Variants in ZBTB38 observed in about 807,000 individuals in gnomAD.
ZBTB38 encodes the protein zinc finger and BTB domain containing 38.
In ZBTB38, 20 loss-of-function variants were observed where a neutral mutation model predicts 76.8. The ratio of observed to expected loss-of-function variants is 0.26; its 90% CI spans 0.18 to 0.38. The LOEUF (loss-of-function observed/expected upper bound fraction) is 0.38. Among genes scored for constraint, ZBTB38 ranks in the 10% least tolerant of loss-of-function variants. The pLI is 1.00. For synonymous variants in ZBTB38, 504 were observed against 544.2 expected (o/e 0.93, Z 1.03); for missense variants, 1,082 against 1,482.3 (o/e 0.73, Z 4.43).
intron 3 of ZBTB38, chr3:141,384,931 A>G (rs1946729724): frequency 6.6e-6 from 1 of 152,258 alleles, no homozygotes. Context: ...TATAGGATAT[A>G]GGAGGGCAGG....
intron 5 of ZBTB38, among the ~76,000 whole-genome samples, chr3:141,418,213 C>G (rs1285456043): frequency 6.6e-6 from 1 of 152,026 alleles, no homozygotes; most frequent in African/African-American, 2.4e-5. Flanking sequence ...CTTTTCATGA[C>G]CAGGCCCCAC....
At chr3:141,435,434 G>T (rs1255060937) in intron 5 of ZBTB38, among the ~76,000 whole-genome samples, 1 of 152,096 alleles carries the variant, frequency 6.6e-6, no homozygotes, top group Non-Finnish European at 1.5e-5. Flanking sequence ...CATACATGTG[G>T]CTATATACAC....
At chr3:141,411,204 C>T (rs2149839083) in intron 5 of ZBTB38, among the ~76,000 whole-genome samples, 1 of 152,338 alleles carries the variant, frequency 6.6e-6, no homozygotes, top group South Asian at 2.1e-4. Flanking sequence ...ATATTCAGAT[C>T]AGTCTCCCCA....
chr3:141,445,986 A>G lies in ZBTB38; in HGVS notation c.*10A>G. 1 of 1,541,920 alleles carries G rather than the reference A, an allele frequency of 6.5e-7. No homozygotes were observed. Among genetic ancestry groups the G allele is most frequent in the Non-Finnish European group, 8.7e-7 (1 of 1,152,486 alleles). On this transcript the variant is annotated 3_prime_UTR_variant, in exon 6 of 6. Coordinates refer to ENST00000321464, the MANE Select transcript of ZBTB38 (RefSeq NM_001376113.1). This position sits in a 1 kb window ranked among gnomAD's most constrained non-coding sequence, Gnocchi z 6.5. ...AAATGTTGTCCTTTGAGTGGCAAGA[A>G]TTAGAAAAATCTTCAAAAATATAGT...
rs577210356 is a variant in ZBTB38, at chr3:141,359,880, A to G, written c.-738-8741A>G. The stretch of plus-strand genomic sequence containing the variant: ...CTGAAGGTTGAGGTTGGAGTGAGCC[A>G]TGATCACACCACTGCACTCCAGCCT... On this transcript the variant is annotated intron_variant, in intron 1 of 7. Coordinates refer to the ZBTB38 transcript ENST00000509842. Among the ~76,000 whole-genome samples, 95 of 152,248 alleles carry G rather than the reference A, an allele frequency of 6.2e-4. 1 individual carries two copies. Among genetic ancestry groups the G allele is most frequent in the East Asian group, 2.1e-3 (11 of 5,174 alleles).
At chr3:141,347,801 G>C (rs1215806047) in intron 1 of ZBTB38, among the ~76,000 whole-genome samples, 1 of 152,212 alleles carries the variant, frequency 6.6e-6, no homozygotes, top group Non-Finnish European at 1.5e-5. Context: ...CCTGGACATT[G>C]GTAACACCAT....
Position 141,445,019 on chromosome 3 carries a change from G to A in ZBTB38, c.2631G>A (p.Gln877=). Reference sequence around the variant, plus strand: ...AGATGCAGGAGGAGCCTTTGCCACAGGGGAATGACCCAGAACCCAGTGGAG... The same window carrying A: ...AGATGCAGGAGGAGCCTTTGCCACAAGGGAATGACCCAGAACCCAGTGGAG... ...KYQMQEEPLP[Q]GNDPEPSGDS... is the part of the protein sequence containing the mutation. Residue 877 remains glutamine, a synonymous_variant, in exon 6 of 6, where the codon CAG becomes CAA. Transcript: ENST00000321464. This position sits in a 1 kb window ranked among gnomAD's most constrained non-coding sequence, Gnocchi z 6.5. 1.2e-6 allele frequency: 2 copies of A among 1,614,198 alleles called. No homozygotes were observed. The highest frequency in any genetic ancestry group is 1.7e-6 in the Non-Finnish European group (2 of 1,180,040).
At chr3:141,431,593 A>T (rs1042541287) in intron 5 of ZBTB38, 3 of 152,000 alleles carry the variant, frequency 2.0e-5, no homozygotes, top group Admixed American at 1.3e-4. Context: ...CTTTCCAAAC[A>T]AGCAACCTAA....
chr3:141,347,459 A>T (rs1943396325), intron 1 of ZBTB38, among the ~76,000 whole-genome samples: 2 of 152,194 alleles, frequency 1.3e-5, no homozygotes, highest in African/African-American at 4.8e-5. Flanking sequence ...GTCTCTTAGC[A>T]TATGTTTAAC....
chr3:141,364,227 G>A (rs930815624), upstream of ZBTB38, among the ~76,000 whole-genome samples: 1 of 150,686 alleles, frequency 6.6e-6, no homozygotes, highest in Non-Finnish European at 1.5e-5. Flanking sequence ...GGGAGTTCAA[G>A]ACCAGTTGGA....
In ZBTB38 at chr3:141,368,822, T is replaced by G. The variant is rs1214676239; in HGVS notation, c.-310+18T>G. On this transcript the variant is annotated intron_variant, in intron 1 of 5. Transcript: ENST00000321464. ...GCCTCCGAGTAAGTGAAGGCCCACT[T>G]TTGGCCCCCCCTCACTCAGCGCCCT... 6.6e-6 allele frequency: 1 copy of G among 151,862 alleles called. No homozygotes were observed. Among genetic ancestry groups the G allele is most frequent in the Non-Finnish European group, 1.5e-5 (1 of 67,984 alleles). The allele number at this position is 151,862 out of a possible 1,614,324, so 9.4% of individuals were successfully genotyped here. A position where few individuals can be genotyped will look rare whatever the true frequency, so the allele number is the denominator to read the frequency against.
chr3:141,371,041 C>CTTTTTTTTTTTTTTTTT (rs1944488920), intron 2 of ZBTB38, among the ~76,000 whole-genome samples: 1 of 75,458 alleles, frequency 1.3e-5, no homozygotes, highest in African/African-American at 6.6e-5. Context: ...TCTTTTCTTT[C>CTTTTTTTTTTTTTTTTT]TTTCTTTTTT....
At chr3:141,389,472 G>C (rs561180019) in intron 4 of ZBTB38, 1 of 119,258 alleles carries the variant, frequency 8.4e-6, no homozygotes, top group African/African-American at 3.5e-5. Flanking sequence ...TTTTTTGGCT[G>C]TTGGGAGCCA....
At chr3:141,332,191 T>C (rs1942875895) in intron 1 of ZBTB38, among the ~76,000 whole-genome samples, 1 of 152,148 alleles carries the variant, frequency 6.6e-6, no homozygotes, top group Admixed American at 6.5e-5. Flanking sequence ...CTGAAATGAG[T>C]TGAATTTTCC....
chr3:141,338,854 T>C (rs538423815), intron 1 of ZBTB38, among the ~76,000 whole-genome samples: 1 of 152,276 alleles, frequency 6.6e-6, no homozygotes, highest in South Asian at 2.1e-4. Flanking sequence ...ATCTTTGCCC[T>C]TCTAGATTCT....
In ZBTB38 at chr3:141,441,172, G is replaced by A. The variant is rs190256097; in HGVS notation, c.1-1217G>A. Among the ~76,000 whole-genome samples, 7 of 152,152 alleles carry A rather than the reference G, an allele frequency of 4.6e-5. No individual in the cohort carries two copies. In the East Asian group the frequency reaches 1.4e-3, roughly 29 times the overall value. ...TATGTACTGTGTATCTCTTACTGTG[G>A]GAAGTATGAAAGCTGCTACTTTTCA... On this transcript the variant is annotated intron_variant, in intron 5 of 5. Transcript: ENST00000321464.
At chr3:141,339,200 A>C (rs896630903) in intron 1 of ZBTB38, among the ~76,000 whole-genome samples, 7 of 152,184 alleles carry the variant, frequency 4.6e-5, no homozygotes, top group Non-Finnish European at 1.0e-4. Context: ...AAGGCTGACA[A>C]GGTCATATTG....
chr3:141,352,772 C>T (rs376818173), intron 1 of ZBTB38, among the ~76,000 whole-genome samples: 5 of 151,946 alleles, frequency 3.3e-5, no homozygotes, highest in African/African-American at 4.8e-5. Context: ...GGAGTGGCCC[C>T]GCTGAGCTGG....
chr3:141,361,740 A>G (rs914272876), intron 1 of ZBTB38, among the ~76,000 whole-genome samples: 3 of 152,160 alleles, frequency 2.0e-5, no homozygotes, highest in African/African-American at 7.2e-5. Flanking sequence ...AGTGTTGTAA[A>G]TTACAGGAAA....
Sources: allele counts gnomAD v4.1 joint callset (sites outside exome capture counted in the v4.1 genomes callset), GRCh38; gene constraint gnomAD v4.1.1; non-coding constraint Gnocchi (gnomAD v3.1); transcripts MANE v1.5; gene names NCBI Gene and HGNC (gene_info 2026-07-23, HGNC 2026-07-21).